DNAH14: variants seen among roughly 807,000 people sequenced by gnomAD.
The protein encoded by DNAH14 is axonemal beta dynein heavy chain 14.
DNAH14 carries 478 observed loss-of-function variants against 520.9 expected under a neutral mutation model. That is an observed-to-expected ratio of 0.92 (90% CI 0.85 to 0.99). The LOEUF is 0.99. Among genes scored for constraint, DNAH14 ranks in the 50% least tolerant of loss-of-function variants. The pLI, the probability that DNAH14 is intolerant of heterozygous loss-of-function variation, is 0.00. For missense variants in DNAH14, 4,831 were observed against 5,234.5 expected, an observed-to-expected ratio of 0.92 and a Z score of 2.38; for synonymous variants, 1,581 against 1,757.2, an observed-to-expected ratio of 0.90 and a Z score of 2.51.
chr1:225,029,721 G>A (rs1454453035), intron 11 of DNAH14, among the ~76,000 whole-genome samples: 1 of 151,938 alleles, frequency 6.6e-6, no homozygotes, highest in Non-Finnish European at 1.5e-5. Flanking sequence ...AGAAGAAAGG[G>A]TGGTCAAGTC....
intron 20 of DNAH14, 66 bp downstream of exon 20, chr1:225,082,805 AGTAAATAT>A (rs1224951837): frequency 6.2e-6 from 8 of 1,299,224 alleles, no homozygotes; most frequent in Non-Finnish European, 7.5e-6. Flanking sequence ...TAAATAGGCG[AGTAAATAT>A]ACAATGGATA....
chr1:225,358,938 G>A (rs1403979629), intron 74 of DNAH14, among the ~76,000 whole-genome samples: 3 of 152,192 alleles, frequency 2.0e-5, no homozygotes, highest in Non-Finnish European at 4.4e-5. Context: ...CTTCTGCCAT[G>A]ATTGTAAGTT....
At chr1:224,950,345 A>G (rs1039194717) in intron 1 of DNAH14, among the ~76,000 whole-genome samples, 14 of 152,002 alleles carry the variant, frequency 9.2e-5, no homozygotes, top group African/African-American at 3.4e-4. Flanking sequence ...GATATTTTTC[A>G]TGAATTTTGC....
At chr1:225,058,259 G>T (rs187535735) in intron 17 of DNAH14, among the ~76,000 whole-genome samples, 48 of 152,300 alleles carry the variant, frequency 3.2e-4, no homozygotes, top group Admixed American at 6.5e-4. Context: ...TTAGTCTTGG[G>T]AGGGTGTGTG....
At chr1:225,131,608 T>G (rs76804618) in intron 27 of DNAH14, among the ~76,000 whole-genome samples, 1 of 152,096 alleles carries the variant, frequency 6.6e-6, no homozygotes, top group African/African-American at 2.4e-5. Flanking sequence ...TTCAATTCCA[T>G]CTGAAAAGTC....
chr1:225,335,743 A>ACATC, intron 66 of DNAH14, among the ~76,000 whole-genome samples: 1 of 66,366 alleles, frequency 1.5e-5, no homozygotes, highest in Non-Finnish European at 2.9e-5. Context: ...GCATATATGT[A>ACATC]TATACGCATA....
At chr1:225,340,894 G>A (rs1346947062) in intron 69 of DNAH14, among the ~76,000 whole-genome samples, 193 bp downstream of exon 69, 1 of 152,080 alleles carries the variant, frequency 6.6e-6, no homozygotes, top group Non-Finnish European at 1.5e-5. Flanking sequence ...TTCCACTTTT[G>A]CTTCAGCTCA....
At chr1:225,360,966 G>A in intron 75 of DNAH14, 75 bp downstream of exon 75, 1 of 1,327,972 alleles carries the variant, frequency 7.5e-7, no homozygotes, top group Non-Finnish European at 1.0e-6. Context: ...AAATGTCAAT[G>A]TATACTGTGT....
chr1:225,272,819 G>A, intron 51 of DNAH14, 136 bp from the exon 52 acceptor site: 1 of 881,040 alleles, frequency 1.1e-6, no homozygotes, highest in Non-Finnish European at 1.6e-6. Context: ...ATTATCACTT[G>A]TAGAAATTCA....
chr1:225,230,924 A>G (rs2091046209), intron 41 of DNAH14, 149 bp from the exon 42 acceptor site: 2 of 531,462 alleles, frequency 3.8e-6, no homozygotes, highest in East Asian at 6.4e-5. Flanking sequence ...CTTTGTTTTG[A>G]TAAGTTAATT....
chr1:225,281,745 A>G (rs1343993617), intron 54 of DNAH14, among the ~76,000 whole-genome samples: 1 of 152,200 alleles, frequency 6.6e-6, no homozygotes, highest in East Asian at 1.9e-4. Context: ...GTTATGTTGA[A>G]GAAAACTGTC....
At chr1:224,975,230 G>A (rs1273703515) in intron 8 of DNAH14, among the ~76,000 whole-genome samples, 1 of 152,180 alleles carries the variant, frequency 6.6e-6, no homozygotes. Context: ...TCAGGATGTT[G>A]CTGGCCTCAT....
intron 21 of DNAH14, among the ~76,000 whole-genome samples, chr1:225,094,471 T>G (rs2074704596): frequency 6.6e-6 from 1 of 151,606 alleles, no homozygotes; most frequent in Admixed American, 6.6e-5. Flanking sequence ...TATACAAAAA[T>G]CAACTAAGCA....
chr1:225,334,759 C>T (rs2150308406), intron 66 of DNAH14, among the ~76,000 whole-genome samples: 1 of 151,786 alleles, frequency 6.6e-6, no homozygotes, highest in African/African-American at 2.4e-5. Flanking sequence ...GTCCTAACTA[C>T]TTAGGAGGCT....
chr1:225,014,487 A>G (rs1338373131), intron 10 of DNAH14, among the ~76,000 whole-genome samples: 1 of 151,400 alleles, frequency 6.6e-6, no homozygotes, highest in African/African-American at 2.4e-5. Flanking sequence ...GCCGTGTCCT[A>G]TAGGTTTTGA....
In DNAH14 at chr1:225,153,824, A is replaced by G. The variant is rs2080755476; in HGVS notation, c.5271A>G (p.Lys1757=). ...CTGGAACGAAGAAACGGGAGTTTAA[A>G]TGGTCAGTTGAATTTTGAATTGTTA... ...IMAGTKKREF[K]CDTSDSLSEA... Residue 1757 remains lysine, a splice_region_variant and synonymous_variant, in exon 34 of 86, where the codon AAA becomes AAG. Transcript: ENST00000682510. 3 of 1,549,022 alleles carry G rather than the reference A, an allele frequency of 1.9e-6. No individual in the cohort carries two copies. Among genetic ancestry groups the G allele is most frequent in the Non-Finnish European group, 2.6e-6 (3 of 1,145,338 alleles).
chr1:225,306,126 T>C (rs1231918), intron 58 of DNAH14, among the ~76,000 whole-genome samples: 98,822 of 152,178 alleles, frequency 0.65, 33,900 homozygotes, highest in African/African-American at 0.87. Flanking sequence ...ATTTGTGTGC[T>C]GCAGGCAAGT....
rs930552661 is a variant in DNAH14, at chr1:225,071,357, T to A, written c.2425-7850T>A. ...TTATATTAATGCTTCCTTTAGGAGC[T>A]CCTATAAGGCAGGTCTGGTGGTAAC... On this transcript the variant is annotated intron_variant, in intron 17 of 85. Transcript: ENST00000682510. Among the ~76,000 whole-genome samples, 9 of 152,328 alleles carry A rather than the reference T, an allele frequency of 5.9e-5. No individual in the cohort carries two copies. In the East Asian group the frequency reaches 1.7e-3, roughly 29 times the overall value.
chr1:225,109,424 C>A (rs2076318489), intron 23 of DNAH14, among the ~76,000 whole-genome samples: 1 of 151,830 alleles, frequency 6.6e-6, no homozygotes, highest in Non-Finnish European at 1.5e-5. Context: ...TTATAGAGAT[C>A]TTTCACTTCT....
Sources: gnomAD v4.1 joint callset for allele counts (sites outside exome capture counted in the v4.1 genomes callset) on GRCh38, gnomAD v4.1.1 for gene constraint, MANE v1.5 for transcripts, NCBI Gene and HGNC (gene_info 2026-07-23, HGNC 2026-07-21) for gene names.